SLC11A2: variants seen among roughly 807,000 people sequenced by gnomAD.
SLC11A2 encodes solute carrier family 11 member 2, also known as natural resistance-associated macrophage protein 2.
SLC11A2 carries 38 observed loss-of-function variants against 68.0 expected under a neutral mutation model. That is an observed-to-expected ratio of 0.56 (90% CI 0.43 to 0.73). The LOEUF is 0.73. Among genes scored for constraint, SLC11A2 ranks in the 30% least tolerant of loss-of-function variants. The pLI, the probability that SLC11A2 is intolerant of heterozygous loss-of-function variation, is 0.00. For synonymous variants in SLC11A2, 242 were observed against 250.6 expected (o/e 0.97, Z 0.32); for missense variants, 517 against 690.5 (o/e 0.75, Z 2.82).
At chr12:50,974,183 A>C in the SLC11A2 span, among the ~76,000 whole-genome samples, 1 of 152,190 alleles carries the variant, frequency 6.6e-6, no homozygotes, top group Non-Finnish European at 1.5e-5. Flanking sequence ...AAGACACATA[A>C]TTGTCAGATT....
intron 2 of SLC11A2, chr12:51,009,293 C>T (rs1441702833): frequency 2.3e-6 from 3 of 1,293,972 alleles, no homozygotes; most frequent in Middle Eastern, 2.0e-4. Flanking sequence ...GGGGTACTGG[C>T]ACCCTCGTGA....
chr12:50,993,427 T>C (rs763753832), intron 11 of SLC11A2, among the ~76,000 whole-genome samples: 18 of 152,110 alleles, frequency 1.2e-4, no homozygotes, highest in Non-Finnish European at 2.4e-4. Flanking sequence ...GTAGGGTGGC[T>C]CACGCTTGTA....
chr12:50,960,991 G>C, the SLC11A2 span: 3 of 1,600,050 alleles, frequency 1.9e-6, no homozygotes, highest in East Asian at 4.5e-5. Context: ...TGTGACTGTG[G>C]TGTCCTGTGG....
chr12:51,018,946 TTCC>T (rs1164139988), intron 1 of SLC11A2, among the ~76,000 whole-genome samples: 1 of 152,060 alleles, frequency 6.6e-6, no homozygotes, highest in Non-Finnish European at 1.5e-5. Flanking sequence ...CCTTAATTCT[TTCC>T]TCCTTTTTTT....
At chr12:50,995,582 C>T in intron 10 of SLC11A2, 47 bp downstream of exon 10, 1 of 1,595,880 alleles carries the variant, frequency 6.3e-7, no homozygotes, top group Non-Finnish European at 8.6e-7. Context: ...TTGCAGTCTT[C>T]ACTTTACCCT....
At chr12:50,999,046 C>T in intron 8 of SLC11A2, 128 bp downstream of exon 8, 1 of 810,008 alleles carries the variant, frequency 1.2e-6, no homozygotes, top group Non-Finnish European at 2.0e-6. Context: ...GAAAAATTGG[C>T]TTTTTGTTGA....
At chr12:50,954,829 G>T in the SLC11A2 span, among the ~76,000 whole-genome samples, 11 of 152,164 alleles carry the variant, frequency 7.2e-5, no homozygotes, top group Admixed American at 3.3e-4. Context: ...AAAGAACTGT[G>T]GGTCAATTCA....
At chr12:50,963,714 A>G in the SLC11A2 span, among the ~76,000 whole-genome samples, 1 of 152,196 alleles carries the variant, frequency 6.6e-6, no homozygotes, top group African/African-American at 2.4e-5. Flanking sequence ...TTCCAGACAT[A>G]AGAAGAATTC....
Position 50,987,970 on chromosome 12 carries a change from C to A in SLC11A2, c.*355G>T. On this transcript the variant is annotated 3_prime_UTR_variant, in exon 16 of 16. Transcript: ENST00000262052. ...AGTTTGTATAATAAAAAATGTATTG[C>A]ATTTTCCAATTTTTTTTTAACATAT... 1 of 1,297,402 alleles carries A rather than the reference C, an allele frequency of 7.7e-7. No individual in the cohort carries two copies. Among genetic ancestry groups the A allele is most frequent in the Non-Finnish European group, 1.0e-6 (1 of 995,602 alleles). 80.4% of individuals were successfully genotyped at this position (1,297,402 alleles called of 1,614,324 possible).
chr12:50,961,119 G>C, the SLC11A2 span: 4,587 of 1,612,470 alleles, frequency 2.8e-3, 116 homozygotes, highest in African/African-American at 0.054. Context: ...CGCTTAATTT[G>C]TATCTTATGT....
chr12:51,026,964 A>G (rs529676315), upstream of SLC11A2, among the ~76,000 whole-genome samples: 2 of 152,150 alleles, frequency 1.3e-5, no homozygotes, highest in Admixed American at 1.3e-4. Flanking sequence ...ATCACCTGAG[A>G]TCGGGAGTTT....
chr12:50,971,424 G>T, the SLC11A2 span, among the ~76,000 whole-genome samples: 1 of 152,104 alleles, frequency 6.6e-6, no homozygotes, highest in African/African-American at 2.4e-5. Flanking sequence ...TTCATTTTTA[G>T]ACTTTAAAGT....
At chr12:50,977,637 T>C (rs1420845072), downstream of SLC11A2, among the ~76,000 whole-genome samples, 1 of 151,996 alleles carries the variant, frequency 6.6e-6, no homozygotes, top group Non-Finnish European at 1.5e-5. Flanking sequence ...AAAGCCAAAA[T>C]TGACAAATGG....
At chr12:50,968,448 G>A in the SLC11A2 span, among the ~76,000 whole-genome samples, 6 of 152,012 alleles carry the variant, frequency 3.9e-5, no homozygotes, top group East Asian at 1.9e-4. Flanking sequence ...GTGCAGTGGC[G>A]TGATCACGGT....
At chr12:51,018,813 T>TATAAA (rs1943846044) in intron 1 of SLC11A2, among the ~76,000 whole-genome samples, 1 of 152,146 alleles carries the variant, frequency 6.6e-6, no homozygotes, top group Non-Finnish European at 1.5e-5. Flanking sequence ...AAATAATTCG[T>TATAAA]TTTCATATAA....
chr12:51,023,991 G>A (rs1177650863), intron 1 of SLC11A2, among the ~76,000 whole-genome samples: 1 of 152,064 alleles, frequency 6.6e-6, no homozygotes, highest in Admixed American at 6.6e-5. Flanking sequence ...ACCTTGTCTT[G>A]TGGGGGGTGG....
At chr12:50,995,570 C>T in intron 10 of SLC11A2, 59 bp downstream of exon 10, 1 of 1,510,754 alleles carries the variant, frequency 6.6e-7, no homozygotes, top group Non-Finnish European at 9.2e-7. Context: ...TTCCCCATCC[C>T]ATTGCAGTCT....
intron 3 of SLC11A2, among the ~76,000 whole-genome samples, chr12:51,007,379 G>A (rs754674372): frequency 6.6e-6 from 1 of 152,160 alleles, no homozygotes; most frequent in Non-Finnish European, 1.5e-5. Context: ...CTGTCACTCA[G>A]GCCGGAGTGC....
At chr12:50,952,929 A>T in the SLC11A2 span, among the ~76,000 whole-genome samples, 1 of 152,208 alleles carries the variant, frequency 6.6e-6, no homozygotes, top group African/African-American at 2.4e-5. Flanking sequence ...CAACAGTCAC[A>T]GAGGGAAGTC....
Sources: gnomAD v4.1 joint callset for allele counts (sites outside exome capture counted in the v4.1 genomes callset) on GRCh38, gnomAD v4.1.1 for gene constraint, MANE v1.5 for transcripts, NCBI Gene and HGNC (gene_info 2026-07-23, HGNC 2026-07-21) for gene names.